The following POLQ variants were observed in gnomAD, a reference collection of about 807,000 sequenced individuals.
POLQ encodes DNA polymerase theta.
A neutral mutation model predicts 259.2 loss-of-function variants in POLQ; 233 were observed. The observed-to-expected ratio is 0.90, with a 90% confidence interval of 0.81 to 1.00. POLQ has a LOEUF of 1.00. POLQ is among the 50% of genes least tolerant of loss of function. POLQ has a pLI of 0.00. For synonymous variants in POLQ, 1,025 were observed against 1,048.8 expected (o/e 0.98, Z 0.44); for missense variants, 2,871 against 3,051.6 (o/e 0.94, Z 1.39).
chr3:121,537,820 T>G (rs571495922), intron 4 of POLQ, among the ~76,000 whole-genome samples: 4 of 152,316 alleles, frequency 2.6e-5, no homozygotes, highest in African/African-American at 9.6e-5. Context: ...TTTACTTATT[T>G]TCTAACTTTC....
At chr3:121,466,405 C>T (rs1164187815) in intron 24 of POLQ, among the ~76,000 whole-genome samples, 1 of 91,464 alleles carries the variant, frequency 1.1e-5, no homozygotes, top group Non-Finnish European at 2.4e-5. Context: ...TTACCATACA[C>T]CTTAGCCAGG....
intron 25 of POLQ, among the ~76,000 whole-genome samples, chr3:121,450,324 C>T (rs1282370606): frequency 6.6e-6 from 1 of 151,836 alleles, no homozygotes; most frequent in Non-Finnish European, 1.5e-5. Flanking sequence ...AAAGTCTACC[C>T]CCACCCCCAA....
Position 121,496,901 on chromosome 3 carries a change from TTAAATC to T in POLQ, c.2179_2184del (p.Asp727_Leu728del). On this transcript the variant is annotated inframe_deletion, in exon 14 of 30. Transcript: ENST00000264233. Reference sequence around the variant, plus strand: ...ATTTCCCTTAAGGGAACTTCACTGATTAAATCTAATAGCACAAGACTGGTGAAAAAC... The same window carrying T: ...ATTTCCCTTAAGGGAACTTCACTGATTAATAGCACAAGACTGGTGAAAAAC... 2 of 1,612,988 alleles carry T rather than the reference TTAAATC, an allele frequency of 1.2e-6. No homozygotes were observed. The highest frequency in any genetic ancestry group is 1.7e-6 in the Non-Finnish European group (2 of 1,179,716).
At chr3:121,521,904 TA>T (rs2048338847) in intron 8 of POLQ, 98 bp downstream of exon 8, 1 of 855,142 alleles carries the variant, frequency 1.2e-6, no homozygotes, top group African/African-American at 1.8e-5. Context: ...CTAAGGACAT[TA>T]AGTGTGTTTA....
rs769839271 is a variant in POLQ at position 121,460,181 on chromosome 3, G to A, written c.7021C>T (p.His2341Tyr). The change falls in exon 25 of 30, where the codon CAT becomes TAT. Residue 2341 changes from histidine (H) to tyrosine (Y), a missense_variant. By Grantham distance (83) the His-to-Tyr change is moderately conservative. Around this residue, in one of 3 missense-constraint regions of POLQ, gnomAD observed 2,080 missense variants for 2,126.0 expected, o/e 0.98. Transcript: ENST00000264233. ...ATGAGACGACGATCATGGGATAAAT[G>A]AGCCAAGATCCTCAGTTCAAGCTGA... ...YSQLELRILAHLSHDRRLIQV... is the reference protein window; with the variant it reads ...YSQLELRILAYLSHDRRLIQV... The A allele has an allele frequency of 1.9e-6, 3 of 1,613,244 alleles. No individual in the cohort carries two copies. The highest frequency in any genetic ancestry group is 1.7e-6 in the Non-Finnish European group (2 of 1,179,330).
intron 17 of POLQ, 31 bp downstream of exon 17, chr3:121,485,010 A>G: frequency 6.5e-7 from 1 of 1,534,858 alleles, no homozygotes. Context: ...CAGTAATTAC[A>G]TAGTGACTTA....
Position 121,440,932 on chromosome 3 carries a change from TA to T in POLQ, c.7265-817del, listed in dbSNP as rs958548496. On this transcript the variant is annotated intron_variant, in intron 26 of 29. Transcript: ENST00000264233. ...AATAAACATGACCCACTTCTTAAAA[TA>T]AAAAAAAAACTATGTGTAGTGTAGT... Among the ~76,000 whole-genome samples, 8 of 148,660 alleles carry T rather than the reference TA, an allele frequency of 5.4e-5. No individual in the cohort carries two copies. The South Asian group carries it at 1.5e-3, about 28-fold the overall frequency.
Position 121,489,972 on chromosome 3 carries a change from T to C in POLQ, c.2959A>G (p.Arg987Gly), listed in dbSNP as rs1356382541. ...TCTAAAGAGGCCCGTTTTCTTGCTC[T>C]GAAAATGGAACATGTCTGATGTTCT... The part of the protein sequence containing the change: ...NQEHQTCSIF[R>G]ARKRASLDIN... The change falls in exon 16 of 30, where the codon AGA (arginine) becomes GGA (glycine). Residue 987 changes from arginine to glycine, a missense_variant. Arg to Gly is a moderately radical substitution (Grantham distance 125). Transcript: ENST00000264233. 1 of 1,581,478 alleles carries C rather than the reference T, an allele frequency of 6.3e-7. No homozygotes were observed. Among genetic ancestry groups the C allele is most frequent in the East Asian group, 2.2e-5 (1 of 44,750 alleles).
chr3:121,509,633 T>C lies in POLQ; in HGVS notation c.1887A>G (p.Leu629=), dbSNP rs1400878624. ...CTCTTTGCAGGTCAGCAAAAATATCTAAAGTATCAGCTGGAGAAAGTGAAG... is the reference window on the plus strand; with the variant it reads ...CTCTTTGCAGGTCAGCAAAAATATCCAAAGTATCAGCTGGAGAAAGTGAAG... ...LSSSLSPADT[L]DIFADLQRAM... Residue 629 remains leucine (L), a synonymous_variant, in exon 12 of 30, where the codon TTA becomes TTG. Coordinates refer to ENST00000264233, the MANE Select transcript of POLQ (RefSeq NM_199420.4). 1 of 1,613,540 alleles carries C rather than the reference T, an allele frequency of 6.2e-7. No homozygotes were observed. The highest frequency in any genetic ancestry group is 1.3e-5 in the African/African-American group (1 of 74,908).
intron 26 of POLQ, among the ~76,000 whole-genome samples, chr3:121,442,304 C>T (rs1560084237): frequency 1.3e-5 from 2 of 152,094 alleles, no homozygotes; most frequent in Non-Finnish European, 2.9e-5. Flanking sequence ...GCAAACATTC[C>T]AATTATACTC....
At chr3:121,435,101 T>C (rs1264533154) in intron 28 of POLQ, among the ~76,000 whole-genome samples, 1 of 152,052 alleles carries the variant, frequency 6.6e-6, no homozygotes, top group Non-Finnish European at 1.5e-5. Flanking sequence ...GAGGCAGAGG[T>C]TGCAGTGAGC....
intron 15 of POLQ, among the ~76,000 whole-genome samples, chr3:121,491,725 C>G (rs532464): frequency 1 from 152,149 of 152,318 alleles, 75,990 homozygotes; most frequent in Non-Finnish European, 1. Context: ...CCAAATCTCT[C>G]ACTGACCTCT....
chr3:121,453,463 G>A (rs2047698395), intron 25 of POLQ, among the ~76,000 whole-genome samples: 1 of 151,930 alleles, frequency 6.6e-6, no homozygotes. Flanking sequence ...GGAAATTCAA[G>A]CAAAAGGCAA....
In POLQ at chr3:121,526,890, T is replaced by TGTGCGC. The variant is rs542001955; in HGVS notation, c.1108+2754_1108+2755insGCGCAC. ...GTGTCTCTGTATGTGTGTGTGTGTGTGCGCGCGCGCACGCACGTGCATCTG... is the reference window on the plus strand; with the variant it reads ...GTGTCTCTGTATGTGTGTGTGTGTGTGTGCGCGCGCGCGCGCACGCACGTGCATCTG... On this transcript the variant is annotated intron_variant, in intron 7 of 29. Coordinates refer to ENST00000264233, the MANE Select transcript of POLQ (RefSeq NM_199420.4). 4.0e-5 allele frequency among the ~76,000 whole-genome samples: 6 copies of TGTGCGC among 151,464 alleles called. No homozygotes were observed. The South Asian group carries it at 1.3e-3, about 32-fold the overall frequency.
At chr3:121,448,405 AC>A (rs2047647339) in intron 26 of POLQ, among the ~76,000 whole-genome samples, 1 of 151,244 alleles carries the variant, frequency 6.6e-6, no homozygotes, top group South Asian at 2.1e-4. Flanking sequence ...TTCATTCTTG[AC>A]CCCCAGGCTG....
At chr3:121,494,963 C>CAAAAAAAAAAAA (rs35833957) in intron 14 of POLQ, 1 of 505,432 alleles carries the variant, frequency 2.0e-6, no homozygotes, top group African/African-American at 2.2e-5. Context: ...TACAAATTTT[C>CAAAAAAAAAAAA]AAAAAAAAAA....
At chr3:121,494,081 T>C in intron 14 of POLQ, 2 of 675,584 alleles carry the variant, frequency 3.0e-6, no homozygotes, top group Non-Finnish European at 5.3e-6. Context: ...TAAAAACATG[T>C]AAAGGTCTCT....
At chr3:121,492,391 T>A (rs2048075867) in intron 15 of POLQ, among the ~76,000 whole-genome samples, 1 of 152,200 alleles carries the variant, frequency 6.6e-6, no homozygotes, top group African/African-American at 2.4e-5. Context: ...GCCCATTCAA[T>A]AAATTGGTTA....
intron 22 of POLQ, among the ~76,000 whole-genome samples, chr3:121,470,872 T>C (rs1489789453): frequency 2.0e-5 from 3 of 152,226 alleles, no homozygotes; most frequent in African/African-American, 7.2e-5. Flanking sequence ...TGGGCTCAAG[T>C]GACCCTCCCA....
Sources: gnomAD v4.1 joint callset for allele counts (sites outside exome capture counted in the v4.1 genomes callset) on GRCh38, gnomAD v4.1.1 for gene constraint, gnomAD v4.1.1 regional missense constraint, MANE v1.5 for transcripts, NCBI Gene and HGNC (gene_info 2026-07-23, HGNC 2026-07-21) for gene names.